The following GFM2 variants were observed in gnomAD, a reference collection of about 807,000 sequenced individuals.
The protein encoded by GFM2 is GTP dependent ribosome recycling factor mitochondrial 2, also known as ribosome-releasing factor 2, mitochondrial.
Under a neutral mutation model 95.4 loss-of-function variants are expected in GFM2, and 72 were observed. The observed-to-expected ratio is 0.76, with a 90% CI of 0.62 to 0.92. The LOEUF (loss-of-function observed/expected upper bound fraction) is 0.92. GFM2 is among the 40% of genes least tolerant of loss of function. The pLI, the probability that GFM2 is intolerant of heterozygous loss-of-function variation, is 0.00. For synonymous variants in GFM2, 276 were observed against 317.5 expected, an observed-to-expected ratio of 0.87 and a Z score of 1.39; for missense variants, 825 against 924.1, an observed-to-expected ratio of 0.89 and a Z score of 1.39.
At chr5:74,726,206 C>A in intron 17 of GFM2, 80 bp from the exon 18 acceptor site, 1 of 932,752 alleles carries the variant, frequency 1.1e-6, no homozygotes. Flanking sequence ...AAATTATCAT[C>A]AACAAGCTCA....
chr5:74,732,927 GACACACACACAC>G (rs67360841), intron 16 of GFM2, 83 bp downstream of exon 16: 9,697 of 402,808 alleles, frequency 0.024, 225 homozygotes, highest in African/African-American at 0.1. Flanking sequence ...TAATGTTTTA[GACACACACACAC>G]ACACACACAC....
At chr5:74,762,158 T>C (rs987528915) in intron 2 of GFM2, among the ~76,000 whole-genome samples, 1 of 152,008 alleles carries the variant, frequency 6.6e-6, no homozygotes, top group African/African-American at 2.4e-5. Flanking sequence ...CAAAAAAAAA[T>C]TGTAGATGAA....
intron 2 of GFM2, among the ~76,000 whole-genome samples, chr5:74,762,197 A>C (rs766254736): frequency 2.6e-4 from 39 of 152,230 alleles, no homozygotes; most frequent in Non-Finnish European, 2.9e-5. Flanking sequence ...ACAACAACAA[A>C]AAAACTGTAG....
rs372015385 is a variant in GFM2 at position 74,748,927 on chromosome 5, TA to T, written c.520-1148del. On this transcript the variant is annotated intron_variant, in intron 7 of 20. Coordinates refer to ENST00000296805, the MANE Select transcript of GFM2 (RefSeq NM_032380.5). ...AATAAAATAAAAAAATAAAAAAAAATAAAAAAAATAAAAAATAAAATAAAAT... is the reference window on the plus strand; with the variant it reads ...AATAAAATAAAAAAATAAAAAAAAATAAAAAAATAAAAAATAAAATAAAAT... Among the ~76,000 whole-genome samples the T allele has an allele frequency of 5.7e-3, 790 of 139,456 alleles. 5 individuals are homozygous for T. The highest frequency in any genetic ancestry group is 8.0e-3 in the African/African-American group (289 of 36,008). The allele number at this position is 139,456 out of a possible 152,430, so 91.5% of individuals were successfully genotyped here. A position where few individuals can be genotyped will look rare whatever the true frequency, so the allele number is the denominator to read the frequency against.
In GFM2 at chr5:74,738,537, G is replaced by A. The variant is rs1440448805; in HGVS notation, c.1185C>T (p.Pro395=). 3 of 1,613,342 alleles carry A rather than the reference G, an allele frequency of 1.9e-6. No homozygotes were observed. Among genetic ancestry groups the A allele is most frequent in the East Asian group, 2.2e-5 (1 of 44,854 alleles). ...CATTAATATTATGAATGGCCAACTG[G>A]GGTTTTATAGTGCCTGAGTAAATGC... The part of the protein sequence containing the change: ...FMRIYSGTIK[P]QLAIHNINGN... The change falls in exon 13 of 21, where the codon CCC becomes CCT. Residue 395 remains proline (P), a synonymous_variant. Transcript: ENST00000296805.
rs1287046086 is a variant in GFM2 at position 74,763,735 on chromosome 5, G to A, written c.8C>T (p.Thr3Ile). ML[T>I]NLRIFAMSHQ... Reference sequence around the variant, plus strand: ...ACTCATTGCAAATATCCTCAAGTTGGTCAACATCTTGATCCTCCAAACTGT... The same window carrying A: ...ACTCATTGCAAATATCCTCAAGTTGATCAACATCTTGATCCTCCAAACTGT... Residue 3 changes from threonine to isoleucine, a missense_variant, in exon 2 of 21, where the codon ACC becomes ATC. Physicochemically the swap from Thr to Ile is moderately conservative, Grantham distance 89. Transcript: ENST00000296805. 3 of 1,605,592 alleles carry A rather than the reference G, an allele frequency of 1.9e-6. No individual in the cohort carries two copies. Among genetic ancestry groups the A allele is most frequent in the East Asian group, 2.2e-5 (1 of 44,724 alleles).
chr5:74,748,764 C>G (rs922236822), intron 7 of GFM2, among the ~76,000 whole-genome samples: 1 of 151,436 alleles, frequency 6.6e-6, no homozygotes, highest in East Asian at 2.0e-4. Context: ...ACTCGGGAAG[C>G]TGAGGCACAA....
chr5:74,725,864 T>C (rs779087043), intron 18 of GFM2, 77 bp downstream of exon 18: 9 of 1,476,398 alleles, frequency 6.1e-6, no homozygotes, highest in African/African-American at 1.4e-5. Flanking sequence ...GGAAAAAGAC[T>C]GAAATAATCT....
intron 16 of GFM2, among the ~76,000 whole-genome samples, chr5:74,731,620 T>TA (rs142845679): frequency 0.024 from 3,654 of 151,464 alleles, 146 homozygotes; most frequent in African/African-American, 0.084. Flanking sequence ...ATCACAAATT[T>TA]AAAAAAAAAT....
chr5:74,747,582 C>T (rs1743449299), intron 8 of GFM2, 110 bp downstream of exon 8: 2 of 652,458 alleles, frequency 3.1e-6, no homozygotes, highest in Non-Finnish European at 5.4e-6. Context: ...TATTTATACC[C>T]TATAATACAA....
At chr5:74,731,205 A>C (rs889725253) in intron 16 of GFM2, among the ~76,000 whole-genome samples, 3 of 152,186 alleles carry the variant, frequency 2.0e-5, no homozygotes, top group African/African-American at 7.2e-5. Flanking sequence ...CCTTTCTAAA[A>C]AACCTTTCCC....
intron 2 of GFM2, among the ~76,000 whole-genome samples, chr5:74,763,096 T>C (rs1744365054): frequency 1.3e-5 from 2 of 152,226 alleles, no homozygotes; most frequent in Admixed American, 1.3e-4. Flanking sequence ...TTAAGTATAC[T>C]GAAGATGTGA....
rs1420445663 is a variant in GFM2, at chr5:74,730,717, C to G, written c.1588-319G>C. ...ATACCAACACTTCCCAACCGCAAAG[C>G]CAAATTTCTGGCCAATGGAAGATGA... On this transcript the variant is annotated intron_variant, in intron 16 of 20. Transcript: ENST00000296805. 3.9e-5 allele frequency: 7 copies of G among 180,692 alleles called. No individual in the cohort carries two copies. In the East Asian group the frequency reaches 8.6e-4, roughly 22 times the overall value. The allele number at this position is 180,692 out of a possible 1,614,324, so 11.2% of individuals were successfully genotyped here.
chr5:74,743,588 G>A (rs183016849), intron 10 of GFM2, among the ~76,000 whole-genome samples: 20 of 152,090 alleles, frequency 1.3e-4, no homozygotes, highest in Admixed American at 1.3e-3. Context: ...ATGAGACATG[G>A]GCAAGTGTGT....
In GFM2 at chr5:74,732,927, G is replaced by GACACACAC. The variant is rs67360841; in HGVS notation, c.1587+87_1587+94dup. ...TTCAGGACACAGACTTAATGTTTTA[G>GACACACAC]ACACACACACACACACACACACACA... On this transcript the variant is annotated intron_variant, in intron 16 of 20. Transcript: ENST00000296805. 3.5e-3 allele frequency: 1,431 copies of GACACACAC among 403,460 alleles called. 2 individuals are homozygous for GACACACAC. The highest frequency in any genetic ancestry group is 4.8e-3 in the East Asian group (108 of 22,650). 25.0% of individuals were successfully genotyped at this position (403,460 alleles called of 1,614,324 possible). A position where few individuals can be genotyped will look rare whatever the true frequency, so the allele number is the denominator to read the frequency against.
intron 1 of GFM2, 62 bp downstream of exon 1, chr5:74,766,876 G>A: frequency 6.5e-6 from 1 of 153,180 alleles, no homozygotes. Flanking sequence ...AAGGTCAGCG[G>A]TACCCAGCGC....
intron 5 of GFM2, among the ~76,000 whole-genome samples, chr5:74,756,968 T>G (rs1158453941): frequency 1.3e-5 from 2 of 152,102 alleles, no homozygotes; most frequent in Non-Finnish European, 2.9e-5. Flanking sequence ...TTGGGTACAG[T>G]GTACACTACT....
At chr5:74,738,176 T>C (rs1442418278) in intron 14 of GFM2, 142 bp downstream of exon 14, 5 of 637,782 alleles carry the variant, frequency 7.8e-6, no homozygotes, top group Non-Finnish European at 8.2e-6. Context: ...GATTCAGCCA[T>C]GTTGACAAAT....
At chr5:74,763,544 A>C (rs1744390711) in intron 2 of GFM2, 136 bp downstream of exon 2, 1 of 494,130 alleles carries the variant, frequency 2.0e-6, no homozygotes, top group Non-Finnish European at 3.7e-6. Flanking sequence ...CTTTCAAATT[A>C]GTTTAGCTTG....
Sources: allele counts gnomAD v4.1 joint callset (sites outside exome capture counted in the v4.1 genomes callset), GRCh38; gene constraint gnomAD v4.1.1; transcripts MANE v1.5; gene names NCBI Gene and HGNC (gene_info 2026-07-23, HGNC 2026-07-21).